Variants in AFF2 observed in about 807,000 individuals in gnomAD.
AFF2 encodes AF4/FMR2 family member 2.
In AFF2, 14 loss-of-function variants were observed where a neutral mutation model predicts 76.9. That is an observed-to-expected ratio of 0.18 (90% CI 0.12 to 0.28). AFF2 has a LOEUF of 0.28. Among genes scored for constraint, AFF2 ranks in the 10% least tolerant of loss-of-function variants. The probability of loss-of-function intolerance (pLI) is 1.00; values close to 1 mark genes in which losing one functional copy is unlikely to be tolerated. For synonymous variants in AFF2, 398 were observed against 366.7 expected (o/e 1.09, Z -0.98); for missense variants, 868 against 1,001.1 (o/e 0.87, Z 1.79).
chrX:148,958,599 C>T (rs1370920499), intron 12 of AFF2, 141 bp downstream of exon 12: 2 of 831,554 alleles, frequency 2.4e-6, no homozygotes, highest in Admixed American at 6.4e-5. Flanking sequence ...GGCCTGACAG[C>T]TGTCCCTGGC....
At chrX:148,636,964 G>A (rs1486721828) in intron 1 of AFF2, among the ~76,000 whole-genome samples, 8 of 111,732 alleles carry the variant, frequency 7.2e-5, no homozygotes, top group South Asian at 7.4e-4. Context: ...CATTAATCCC[G>A]GAATAGTGCT....
chrX:148,562,630 A>C (rs984479249), intron 1 of AFF2, among the ~76,000 whole-genome samples: 2 of 112,302 alleles, frequency 1.8e-5, no homozygotes, highest in Admixed American at 1.9e-4. Flanking sequence ...CAGCTTAACT[A>C]TTCCAAACAA....
intron 1 of AFF2, among the ~76,000 whole-genome samples, chrX:148,589,517 T>C (rs1382731449): frequency 8.9e-6 from 1 of 112,637 alleles, no homozygotes; most frequent in Non-Finnish European, 1.9e-5. Flanking sequence ...TGGTATGTTA[T>C]GAGTTTTGAA....
At chrX:148,718,225 A>G (rs781822103) in intron 3 of AFF2, among the ~76,000 whole-genome samples, 2 of 111,771 alleles carry the variant, frequency 1.8e-5, no homozygotes, top group Non-Finnish European at 3.8e-5. Context: ...ATTTAGAGAG[A>G]GATCATGTCC....
chrX:148,588,456 A>G (rs927825355), intron 1 of AFF2, among the ~76,000 whole-genome samples: 5 of 112,457 alleles, frequency 4.4e-5, no homozygotes, highest in African/African-American at 1.6e-4. Flanking sequence ...GACGGGACTG[A>G]TTCATGAATC....
intron 1 of AFF2, among the ~76,000 whole-genome samples, chrX:148,522,382 G>C (rs1409717409): frequency 6.2e-5 from 7 of 112,229 alleles, no homozygotes; most frequent in African/African-American, 2.3e-4. Flanking sequence ...GTGTATTTTC[G>C]GGAACATTTT....
chrX:148,598,167 A>G (rs1325324874), intron 1 of AFF2, among the ~76,000 whole-genome samples: 1 of 112,257 alleles, frequency 8.9e-6, no homozygotes, highest in African/African-American at 3.2e-5. Flanking sequence ...GAATGAAATT[A>G]TAAAATAATA....
At chrX:148,786,479 G>A (rs941018302) in intron 3 of AFF2, among the ~76,000 whole-genome samples, 7 of 111,689 alleles carry the variant, frequency 6.3e-5, no homozygotes, top group South Asian at 7.7e-4. Flanking sequence ...TAGTATCTTC[G>A]GAGGACTGTG....
At chrX:148,926,725 T>A (rs1263576770) in intron 9 of AFF2, among the ~76,000 whole-genome samples, 1 of 112,152 alleles carries the variant, frequency 8.9e-6, no homozygotes, top group Admixed American at 9.4e-5. Context: ...ATTGCCAAAT[T>A]GCAATAACCT....
chrX:148,573,875 G>T (rs782721912), intron 1 of AFF2, among the ~76,000 whole-genome samples: 1 of 111,154 alleles, frequency 9.0e-6, no homozygotes, highest in South Asian at 3.8e-4. Context: ...GTCATGTTCC[G>T]ATGTGACAAT....
intron 3 of AFF2, among the ~76,000 whole-genome samples, chrX:148,666,585 A>AAAAT (rs57375084): frequency 0.021 from 2,134 of 100,954 alleles, 24 homozygotes; most frequent in East Asian, 0.034. Context: ...CTCTGTCTCA[A>AAAAT]AAATAAATAA....
chrX:148,540,393 A>C (rs193061274), intron 1 of AFF2, among the ~76,000 whole-genome samples: 33 of 97,097 alleles, frequency 3.4e-4, no homozygotes, highest in Non-Finnish European at 6.4e-4. Context: ...GTGGCTGACC[A>C]GCTAAAAAGT....
intron 13 of AFF2, 147 bp downstream of exon 13, chrX:148,963,084 C>T (rs183439836): frequency 2.1e-4 from 95 of 449,762 alleles, no homozygotes; most frequent in African/African-American, 2.0e-3. Context: ...AATACACAAA[C>T]TTTCCATTAT....
chrX:148,584,106 T>C (rs2053441730), intron 1 of AFF2, among the ~76,000 whole-genome samples: 1 of 112,118 alleles, frequency 8.9e-6, no homozygotes, highest in South Asian at 3.7e-4. Flanking sequence ...TTATTTTTTC[T>C]TTTCTTTTTG....
rs2062441379 is a variant in AFF2 at position 149,000,064 on chromosome X, G to T, written c.*8732G>T. ...AGAACCATCAGGAACAGCCTGCCTG[G>T]CTCCTATGAAGAAAACTTCCTGACG... On this transcript the variant is annotated 3_prime_UTR_variant, in exon 21 of 21. Coordinates refer to ENST00000370460, the MANE Select transcript of AFF2 (RefSeq NM_002025.4). 1 of 111,665 alleles carries T rather than the reference G, an allele frequency of 9.0e-6. No homozygotes were observed. The highest frequency in any genetic ancestry group is 3.8e-4 in the South Asian group (1 of 2,646). The allele number at this position is 111,665 out of a possible 1,213,427, so 9.2% of individuals were successfully genotyped here.
chrX:148,602,301 C>T (rs948390112), intron 1 of AFF2, among the ~76,000 whole-genome samples: 8 of 111,595 alleles, frequency 7.2e-5, no homozygotes, highest in Non-Finnish European at 1.3e-4. Context: ...AGATATTGTA[C>T]AGCCTGGCAG....
chrX:148,757,840 T>C (rs2069392925), intron 3 of AFF2, among the ~76,000 whole-genome samples: 1 of 112,301 alleles, frequency 8.9e-6, no homozygotes, highest in African/African-American at 3.2e-5. Context: ...TAAACTCTCA[T>C]GCATCTCTCT....
chrX:148,548,808 A>G (rs782335141), intron 1 of AFF2, among the ~76,000 whole-genome samples: 1 of 112,227 alleles, frequency 8.9e-6, no homozygotes, highest in South Asian at 3.7e-4. Flanking sequence ...GAATACCTTT[A>G]ATAGTTAAAA....
In AFF2 at chrX:148,997,658, T is replaced by A. The variant is rs959905989; in HGVS notation, c.*6326T>A. 6 of 111,815 alleles carry A rather than the reference T, an allele frequency of 5.4e-5. No individual in the cohort carries two copies. Among genetic ancestry groups the A allele is most frequent in the African/African-American group, 1.6e-4 (5 of 30,758 alleles). The allele number at this position is 111,815 out of a possible 1,213,427, so 9.2% of individuals were successfully genotyped here. On this transcript the variant is annotated 3_prime_UTR_variant, in exon 21 of 21. Transcript: ENST00000370460. ...ATCCTTTCATGGTATTGCTACAATA[T>A]TTGTCCTTACTGGAAAATGGTAACA...
Sources: gnomAD v4.1 joint callset for allele counts (sites outside exome capture counted in the v4.1 genomes callset) on GRCh38, gnomAD v4.1.1 for gene constraint, MANE v1.5 for transcripts, NCBI Gene and HGNC (gene_info 2026-07-23, HGNC 2026-07-21) for gene names.